Variants in LHFPL6 observed in about 807,000 individuals in gnomAD.
LHFPL6 encodes the protein LHFPL tetraspan subfamily member 6.
Under a neutral mutation model 20.6 loss-of-function variants are expected in LHFPL6, and 9 were observed. The ratio of observed to expected loss-of-function variants is 0.44; its 90% CI spans 0.26 to 0.76. LHFPL6 has a LOEUF of 0.76. Ranked by LOEUF, LHFPL6 falls within the 30% of genes least tolerant of loss-of-function variation. LHFPL6 has a pLI of 0.20. For synonymous variants in LHFPL6, 105 were observed against 98.7 expected (o/e 1.06, Z -0.38); for missense variants, 218 against 253.5 (o/e 0.86, Z 0.95).
chr13:39,448,206 T>A (rs1022087648), intron 2 of LHFPL6, among the ~76,000 whole-genome samples: 1 of 152,230 alleles, frequency 6.6e-6, no homozygotes, highest in Non-Finnish European at 1.5e-5. Flanking sequence ...CCAAGATGAC[T>A]CAGTTTGATA....
At chr13:39,385,376 G>T (rs1292095459) in intron 2 of LHFPL6, among the ~76,000 whole-genome samples, 1 of 152,340 alleles carries the variant, frequency 6.6e-6, no homozygotes, top group African/African-American at 2.4e-5. Context: ...TAAGTCAGTG[G>T]AATGACCTCT....
intron 2 of LHFPL6, among the ~76,000 whole-genome samples, chr13:39,418,401 T>C (rs866001429): frequency 1.2e-4 from 18 of 145,354 alleles, no homozygotes; most frequent in African/African-American, 4.6e-4. Context: ...TTTTTTTTTT[T>C]CCAGAATGCC....
At chr13:39,559,356 A>G (rs1871401849) in intron 2 of LHFPL6, among the ~76,000 whole-genome samples, 1 of 152,236 alleles carries the variant, frequency 6.6e-6, no homozygotes, top group Admixed American at 6.5e-5. Flanking sequence ...CATGTGACTG[A>G]CCTAATGAAC....
intron 2 of LHFPL6, among the ~76,000 whole-genome samples, chr13:39,514,971 A>G (rs1473471559): frequency 1.3e-5 from 2 of 152,344 alleles, no homozygotes; most frequent in Non-Finnish European, 2.9e-5. Context: ...AGGCATTCGC[A>G]GGAATAGATC....
intron 2 of LHFPL6, among the ~76,000 whole-genome samples, chr13:39,493,877 T>C (rs9576825): frequency 0.16 from 24,121 of 152,092 alleles, 3,154 homozygotes; most frequent in East Asian, 0.6. Flanking sequence ...TTTCTCTCTA[T>C]TTTTATATAG....
intron 2 of LHFPL6, among the ~76,000 whole-genome samples, chr13:39,594,070 T>A (rs1430796631): frequency 6.6e-6 from 1 of 152,072 alleles, no homozygotes; most frequent in Non-Finnish European, 1.5e-5. Flanking sequence ...GGACTTCATG[T>A]CTAAAACACC....
At chr13:39,524,529 T>G (rs1241692273) in intron 2 of LHFPL6, among the ~76,000 whole-genome samples, 1 of 152,236 alleles carries the variant, frequency 6.6e-6, no homozygotes, top group African/African-American at 2.4e-5. Flanking sequence ...AACAAGGTCT[T>G]GATTCAACCC....
chr13:39,348,747 C>T (rs1869478367), intron 3 of LHFPL6, among the ~76,000 whole-genome samples: 1 of 152,102 alleles, frequency 6.6e-6, no homozygotes, highest in African/African-American at 2.4e-5. Context: ...CTACCCAAGC[C>T]CTGCTATCCC....
At chr13:39,538,895 T>C (rs1870708490) in intron 2 of LHFPL6, among the ~76,000 whole-genome samples, 1 of 152,024 alleles carries the variant, frequency 6.6e-6, no homozygotes, top group Admixed American at 6.5e-5. Context: ...TACCATGGAG[T>C]TATTCATCTA....
intron 1 of LHFPL6, 60 bp downstream of exon 1, chr13:39,602,823 G>C (rs1566152573): frequency 6.6e-6 from 1 of 152,284 alleles, no homozygotes; most frequent in East Asian, 1.9e-4. Flanking sequence ...GGGGCAGAGA[G>C]GGAGCCCGGG....
chr13:39,420,958 GT>G (rs1049265288), intron 2 of LHFPL6, among the ~76,000 whole-genome samples: 16 of 152,158 alleles, frequency 1.1e-4, no homozygotes, highest in East Asian at 1.9e-4. Context: ...CTGAATCTGT[GT>G]TTTTCCCCCC....
intron 3 of LHFPL6, among the ~76,000 whole-genome samples, chr13:39,351,508 T>C (rs1357195442): frequency 6.6e-6 from 1 of 152,232 alleles, no homozygotes; most frequent in Non-Finnish European, 1.5e-5. Context: ...ATAGTACTTG[T>C]CTTGGCACTT....
chr13:39,527,067 C>T lies in LHFPL6; in HGVS notation c.385+73765G>A, dbSNP rs80285065. 4.9e-3 allele frequency among the ~76,000 whole-genome samples: 749 copies of T among 152,218 alleles called. 5 individuals carry two copies. Among genetic ancestry groups the T allele is most frequent in the Non-Finnish European group, 6.4e-3 (436 of 68,012 alleles). ...TTTTAGAGAGCAGCCTTTATGACTCCGTCTCTGTAAGTGCTGGTACTTACC... is the reference window on the plus strand; with the variant it reads ...TTTTAGAGAGCAGCCTTTATGACTCTGTCTCTGTAAGTGCTGGTACTTACC... On this transcript the variant is annotated intron_variant, in intron 2 of 3. Coordinates refer to ENST00000379589, the MANE Select transcript of LHFPL6 (RefSeq NM_005780.3).
chr13:39,389,502 G>A (rs1381935274), intron 2 of LHFPL6, among the ~76,000 whole-genome samples: 1 of 152,210 alleles, frequency 6.6e-6, no homozygotes, highest in Non-Finnish European at 1.5e-5. Context: ...GAACCAGAGA[G>A]TGATTGGTCT....
At chr13:39,417,600 T>G (rs1010901356) in intron 2 of LHFPL6, among the ~76,000 whole-genome samples, 2 of 152,202 alleles carry the variant, frequency 1.3e-5, no homozygotes, top group African/African-American at 4.8e-5. Flanking sequence ...TCTGCAAAAA[T>G]TCATTAGCTG....
chr13:39,457,888 A>G (rs1872607412), intron 2 of LHFPL6, among the ~76,000 whole-genome samples: 1 of 152,234 alleles, frequency 6.6e-6, no homozygotes, highest in Non-Finnish European at 1.5e-5. Context: ...AAGAACATAG[A>G]AAATGGCCAC....
chr13:39,582,965 T>C (rs1438419694), intron 2 of LHFPL6, among the ~76,000 whole-genome samples: 1 of 152,182 alleles, frequency 6.6e-6, no homozygotes, highest in East Asian at 1.9e-4. Context: ...CCATATTATA[T>C]TAAGTCTCAG....
chr13:39,407,197 G>T (rs1871131965), intron 2 of LHFPL6, among the ~76,000 whole-genome samples: 1 of 152,028 alleles, frequency 6.6e-6, no homozygotes, highest in Non-Finnish European at 1.5e-5. Context: ...GATTCCAAGG[G>T]TTCCCTGCCC....
chr13:39,552,830 G>T (rs1871179535), intron 2 of LHFPL6, among the ~76,000 whole-genome samples: 1 of 152,042 alleles, frequency 6.6e-6, no homozygotes, highest in African/African-American at 2.4e-5. Flanking sequence ...AATTTAATGG[G>T]TGCCTTTTTG....
Sources: gnomAD v4.1 joint callset for allele counts (sites outside exome capture counted in the v4.1 genomes callset) on GRCh38, gnomAD v4.1.1 for gene constraint, MANE v1.5 for transcripts, NCBI Gene and HGNC (gene_info 2026-07-23, HGNC 2026-07-21) for gene names.